The following TMTC1 variants were observed in gnomAD, a reference collection of about 807,000 sequenced individuals.
TMTC1 encodes the protein protein O-mannosyl-transferase TMTC1.
TMTC1 carries 73 observed loss-of-function variants against 104.8 expected under a neutral mutation model. The observed-to-expected ratio is 0.70, with a 90% CI of 0.58 to 0.85. The LOEUF (loss-of-function observed/expected upper bound fraction) is 0.85, where lower values mean the gene tolerates loss of function less well. Ranked by LOEUF, TMTC1 falls within the 40% of genes least tolerant of loss-of-function variation. TMTC1 has a pLI of 0.00. For synonymous variants in TMTC1, 434 were observed against 428.7 expected (o/e 1.01, Z -0.15); for missense variants, 1,035 against 1,096.1 (o/e 0.94, Z 0.79).
At chr12:29,631,117 C>A (rs10771554) in intron 6 of TMTC1, among the ~76,000 whole-genome samples, 149,059 of 152,310 alleles carry the variant, frequency 0.98, 73,034 homozygotes, top group Middle Eastern at 1. Flanking sequence ...CCTTGTTAAT[C>A]TTGAGTTTTA....
chr12:29,708,925 C>A (rs1055496677), intron 5 of TMTC1, among the ~76,000 whole-genome samples: 1 of 152,094 alleles, frequency 6.6e-6, no homozygotes, highest in African/African-American at 2.4e-5. Flanking sequence ...GAAGTAATTT[C>A]TTATTCTCCT....
At chr12:29,644,111 ATGTGTGTGTGTGTGTGTG>A in intron 5 of TMTC1, among the ~76,000 whole-genome samples, 1 of 74,436 alleles carries the variant, frequency 1.3e-5, no homozygotes, top group East Asian at 3.0e-4. Context: ...ATAAATATAT[ATGTGTGTGTGTGTGTGTG>A]TGTGTGTGTG....
intron 11 of TMTC1, among the ~76,000 whole-genome samples, chr12:29,521,295 T>C (rs1244735957): frequency 6.6e-6 from 1 of 152,196 alleles, no homozygotes; most frequent in Non-Finnish European, 1.5e-5. Flanking sequence ...CTTTCATTAC[T>C]TGAAGTATGT....
At chr12:29,687,178 AT>A (rs1175189243) in intron 5 of TMTC1, among the ~76,000 whole-genome samples, 2 of 152,250 alleles carry the variant, frequency 1.3e-5, no homozygotes, top group Non-Finnish European at 2.9e-5. Flanking sequence ...CAATATACTT[AT>A]TAATTACAAG....
chr12:29,637,342 C>T (rs1938610753), intron 5 of TMTC1, among the ~76,000 whole-genome samples: 1 of 152,100 alleles, frequency 6.6e-6, no homozygotes, highest in African/African-American at 2.4e-5. Context: ...ATATCTCTGC[C>T]CCGCTGTGTT....
At chr12:29,530,824 T>C (rs2136188457) in intron 11 of TMTC1, among the ~76,000 whole-genome samples, 1 of 152,322 alleles carries the variant, frequency 6.6e-6, no homozygotes, top group East Asian at 1.9e-4. Context: ...GCTCAATACA[T>C]ATTAGAAGTA....
chr12:29,598,915 T>C (rs1422834029), intron 7 of TMTC1, among the ~76,000 whole-genome samples: 1 of 152,242 alleles, frequency 6.6e-6, no homozygotes, highest in Admixed American at 6.5e-5. Flanking sequence ...TGAATGCCTT[T>C]TATTTCTTTC....
intron 5 of TMTC1, among the ~76,000 whole-genome samples, chr12:29,728,265 A>G (rs1001830305): frequency 6.6e-6 from 1 of 152,158 alleles, no homozygotes; most frequent in Non-Finnish European, 1.5e-5. Flanking sequence ...AACAGCTGAC[A>G]GCAGAGTACA....
At chr12:29,722,961 A>C (rs1240342490) in intron 5 of TMTC1, among the ~76,000 whole-genome samples, 1 of 151,434 alleles carries the variant, frequency 6.6e-6, no homozygotes, top group Non-Finnish European at 1.5e-5. Context: ...AAAAGAAAAG[A>C]ACTAGAAAGT....
At chr12:29,574,208 T>C (rs1439987442) in intron 8 of TMTC1, among the ~76,000 whole-genome samples, 2 of 152,092 alleles carry the variant, frequency 1.3e-5, no homozygotes, top group Admixed American at 1.3e-4. Context: ...CCTCCATTCA[T>C]TCATTCACTT....
intron 6 of TMTC1, among the ~76,000 whole-genome samples, chr12:29,616,432 G>A (rs1323927549): frequency 1.3e-5 from 2 of 152,046 alleles, no homozygotes; most frequent in African/African-American, 2.4e-5. Flanking sequence ...AGCACTTTGG[G>A]AGGCCGAAGC....
At chr12:29,651,757 T>C (rs1367914163) in intron 5 of TMTC1, among the ~76,000 whole-genome samples, 1 of 152,230 alleles carries the variant, frequency 6.6e-6, no homozygotes, top group Non-Finnish European at 1.5e-5. Flanking sequence ...TGTGAGATTT[T>C]AGAGATAATT....
Position 29,535,378 on chromosome 12 carries a change from C to A in TMTC1, c.1785+831G>T, listed in dbSNP as rs761641175. On this transcript the variant is annotated intron_variant, in intron 11 of 17. Coordinates refer to ENST00000539277, the MANE Select transcript of TMTC1 (RefSeq NM_001193451.2). The stretch of plus-strand genomic sequence containing the variant: ...AAACAACTAGGTTTATATTCTTTGT[C>A]ACTTAAATATTCATAGAATGACCTA... The A allele has an allele frequency of 3.3e-5, 5 of 152,184 alleles. No individual in the cohort carries two copies. The South Asian group carries it at 1.0e-3, about 31-fold the overall frequency. 9.4% of individuals were successfully genotyped at this position (152,184 alleles called of 1,614,324 possible).
At chr12:29,603,864 T>C (rs1452600487) in intron 7 of TMTC1, among the ~76,000 whole-genome samples, 2 of 152,232 alleles carry the variant, frequency 1.3e-5, no homozygotes, top group Non-Finnish European at 2.9e-5. Context: ...ATTATAATTC[T>C]GTTTAATAAC....
At chr12:29,710,841 TTAA>T (rs1941890564) in intron 5 of TMTC1, among the ~76,000 whole-genome samples, 6 of 136,382 alleles carry the variant, frequency 4.4e-5, no homozygotes, top group African/African-American at 8.3e-5. Flanking sequence ...TATAAATATA[TTAA>T]TAATATATAA....
chr12:29,779,021 A>G (rs1943774237), intron 1 of TMTC1, among the ~76,000 whole-genome samples: 1 of 152,208 alleles, frequency 6.6e-6, no homozygotes, highest in Non-Finnish European at 1.5e-5. Context: ...TAAGGCTCCA[A>G]CTTTAACAAT....
chr12:29,573,916 C>T (rs1485417301), intron 8 of TMTC1, among the ~76,000 whole-genome samples: 1 of 152,022 alleles, frequency 6.6e-6, no homozygotes, highest in Non-Finnish European at 1.5e-5. Context: ...AAGGACTGAG[C>T]AGTCTTCTGG....
At chr12:29,650,653 G>A (rs185779026) in intron 5 of TMTC1, among the ~76,000 whole-genome samples, 4 of 152,318 alleles carry the variant, frequency 2.6e-5, no homozygotes, top group Admixed American at 6.5e-5. Context: ...CAGACTAGAA[G>A]CAGAAAGCAG....
chr12:29,730,048 G>C (rs1052981207), intron 5 of TMTC1, among the ~76,000 whole-genome samples: 9 of 152,178 alleles, frequency 5.9e-5, no homozygotes, highest in Admixed American at 2.0e-4. Flanking sequence ...ACAAGGGATG[G>C]GGGGAAGTAA....
Sources: gnomAD v4.1 joint callset for allele counts (sites outside exome capture counted in the v4.1 genomes callset) on GRCh38, gnomAD v4.1.1 for gene constraint, MANE v1.5 for transcripts, NCBI Gene and HGNC (gene_info 2026-07-23, HGNC 2026-07-21) for gene names.